The following GRIK5 variants were observed in gnomAD, a reference collection of about 807,000 sequenced individuals.
GRIK5 encodes glutamate receptor ionotropic, kainate 5.
A neutral mutation model predicts 97.4 loss-of-function variants in GRIK5; 43 were observed. That is an observed-to-expected ratio of 0.44 (90% CI 0.35 to 0.57). The LOEUF is 0.57. Among genes scored for constraint, GRIK5 ranks in the 20% least tolerant of loss-of-function variants. The pLI is 0.01. For synonymous variants in GRIK5, 580 were observed against 583.5 expected (o/e 0.99, Z 0.09); for missense variants, 1,015 against 1,382.0 (o/e 0.73, Z 4.21).
chr19:42,042,569 C>G lies in GRIK5; in HGVS notation c.1456G>C (p.Gly486Arg). The change falls in exon 12 of 20, where the codon GGC (glycine) becomes CGC (arginine). Residue 486 changes from glycine to arginine, a missense_variant. By Grantham distance (125) the Gly-to-Arg change is moderately radical. Transcript: ENST00000593562. The surrounding 1 kb of genome is among the most constrained non-coding windows in gnomAD (Gnocchi z 6.9). ...AGCCATACCCGGTTGATGAGCTCGCCAACCATGCCCGTCCAGGAGCCGTTG... is the reference window on the plus strand; with the variant it reads ...AGCCATACCCGGTTGATGAGCTCGCGAACCATGCCCGTCCAGGAGCCGTTG... Reference protein sequence around the residue: ...EPNGSWTGMVGELINRKADLA... With the variant: ...EPNGSWTGMVRELINRKADLA... 1 of 1,610,876 alleles carries G rather than the reference C, an allele frequency of 6.2e-7. No individual in the cohort carries two copies. The highest frequency in any genetic ancestry group is 8.5e-7 in the Non-Finnish European group (1 of 1,179,600).
At chr19:42,024,846 C>T (rs1057031832) in intron 12 of GRIK5, among the ~76,000 whole-genome samples, 1 of 152,212 alleles carries the variant, frequency 6.6e-6, no homozygotes, top group Non-Finnish European at 1.5e-5. Context: ...CACCTTCACT[C>T]CTCTGGGAAG....
Position 42,022,181 on chromosome 19 carries a change from C to A in GRIK5, c.1587+60G>T. The A allele has an allele frequency of 6.8e-7, 1 of 1,462,850 alleles. No homozygotes were observed. The highest frequency in any genetic ancestry group is 9.6e-7 in the Non-Finnish European group (1 of 1,045,620). 90.6% of individuals were successfully genotyped at this position (1,462,850 alleles called of 1,614,324 possible). A position where few individuals can be genotyped will look rare whatever the true frequency, so the allele number is the denominator to read the frequency against. On this transcript the variant is annotated intron_variant, in intron 13 of 19. Transcript: ENST00000593562. The surrounding 1 kb of genome is among the most constrained non-coding windows in gnomAD (Gnocchi z 4.2). Reference sequence around the variant, plus strand: ...AGGTCCTGGGGCTGTCTGGCTCCCACTCGCAGGCCCTGAGCCTCCATGCCA... The same window carrying A: ...AGGTCCTGGGGCTGTCTGGCTCCCAATCGCAGGCCCTGAGCCTCCATGCCA...
chr19:42,022,183 C>G lies in GRIK5; in HGVS notation c.1587+58G>C. On this transcript the variant is annotated intron_variant, in intron 13 of 19. Transcript: ENST00000593562. This position sits in a 1 kb window ranked among gnomAD's most constrained non-coding sequence, Gnocchi z 4.2. Reference sequence around the variant, plus strand: ...GTCCTGGGGCTGTCTGGCTCCCACTCGCAGGCCCTGAGCCTCCATGCCAGG... The same window carrying G: ...GTCCTGGGGCTGTCTGGCTCCCACTGGCAGGCCCTGAGCCTCCATGCCAGG... 2.7e-6 allele frequency: 4 copies of G among 1,469,968 alleles called. No homozygotes were observed. Among genetic ancestry groups the G allele is most frequent in the Non-Finnish European group, 3.8e-6 (4 of 1,051,768 alleles). 91.1% of individuals were successfully genotyped at this position (1,469,968 alleles called of 1,614,324 possible). A position where few individuals can be genotyped will look rare whatever the true frequency, so the allele number is the denominator to read the frequency against.
intron 1 of GRIK5, chr19:42,068,974 C>T: frequency 1.7e-6 from 1 of 579,778 alleles, no homozygotes; most frequent in South Asian, 2.0e-5. Context: ...AAGTGAGAGC[C>T]CAAGTAAGAG....
At chr19:42,039,120 TCTTCC>T (rs2075946345) in intron 12 of GRIK5, among the ~76,000 whole-genome samples, 1 of 152,110 alleles carries the variant, frequency 6.6e-6, no homozygotes, top group African/African-American at 2.4e-5. Context: ...TCCTCACTGG[TCTTCC>T]TGTTACCACT....
At chr19:42,047,702 G>T (rs2076059911) in intron 11 of GRIK5, among the ~76,000 whole-genome samples, 1 of 152,142 alleles carries the variant, frequency 6.6e-6, no homozygotes, top group East Asian at 1.9e-4. Context: ...AAGTGCGGTG[G>T]ATCATGCCTG....
chr19:42,007,097 C>CTT (rs880000872), intron 15 of GRIK5, among the ~76,000 whole-genome samples: 5 of 140,328 alleles, frequency 3.6e-5, no homozygotes, highest in East Asian at 2.1e-4. Context: ...AAACTTTTTT[C>CTT]TTTTTTTTTT....
intron 12 of GRIK5, among the ~76,000 whole-genome samples, chr19:42,023,516 T>C (rs1297574244): frequency 6.6e-6 from 1 of 152,172 alleles, no homozygotes; most frequent in Non-Finnish European, 1.5e-5. Flanking sequence ...GGTGGCCACA[T>C]CCTCATTTCA....
At chr19:42,025,214 G>GAAGAC (rs1451273031) in intron 12 of GRIK5, among the ~76,000 whole-genome samples, 36 of 152,150 alleles carry the variant, frequency 2.4e-4, no homozygotes, top group Non-Finnish European at 4.7e-4. Context: ...TTTCCCCAGA[G>GAAGAC]TAGACTGGTC....
At chr19:42,055,960 A>C (rs1488970804) in intron 8 of GRIK5, among the ~76,000 whole-genome samples, 3 of 141,656 alleles carry the variant, frequency 2.1e-5, no homozygotes, top group Non-Finnish European at 4.6e-5. Flanking sequence ...TGGGATTACA[A>C]GTATAAGCCA....
Position 42,015,215 on chromosome 19 carries a change from A to G in GRIK5, c.1871+6086T>C, listed in dbSNP as rs112794954. 2.1e-4 allele frequency among the ~76,000 whole-genome samples: 32 copies of G among 152,352 alleles called. 1 individual carries two copies. The highest frequency in any genetic ancestry group is 7.5e-4 in the African/African-American group (31 of 41,584). ...AAATTTCCTGCAATTACAGGGTGAG[A>G]TTTCAAAACTCCTCTCAATAATTGA... On this transcript the variant is annotated intron_variant, in intron 15 of 19. Transcript: ENST00000593562.
At chr19:42,040,773 G>A (rs1338424369) in intron 12 of GRIK5, among the ~76,000 whole-genome samples, 1 of 152,146 alleles carries the variant, frequency 6.6e-6, no homozygotes, top group Non-Finnish European at 1.5e-5. Flanking sequence ...AGAATCGCTT[G>A]AACCCGGGAG....
intron 12 of GRIK5, among the ~76,000 whole-genome samples, chr19:42,025,196 C>T (rs559071874): frequency 6.6e-6 from 1 of 152,232 alleles, no homozygotes; most frequent in African/African-American, 2.4e-5. Context: ...CAGCCACTGT[C>T]CCAGGGTTTT....
intron 11 of GRIK5, among the ~76,000 whole-genome samples, chr19:42,048,371 C>T (rs1441264398): frequency 2.6e-5 from 4 of 152,136 alleles, no homozygotes; most frequent in African/African-American, 9.7e-5. Context: ...CCTGTAATCC[C>T]GGCACTTTGG....
intron 3 of GRIK5, chr19:42,063,174 T>C: frequency 2.0e-6 from 1 of 489,364 alleles, no homozygotes; most frequent in Non-Finnish European, 4.0e-6. Context: ...CCTCAGCCAC[T>C]GTTGTTCTCA....
At chr19:42,023,252 G>A (rs989472413) in intron 12 of GRIK5, among the ~76,000 whole-genome samples, 1 of 151,986 alleles carries the variant, frequency 6.6e-6, no homozygotes, top group East Asian at 1.9e-4. Context: ...CGATAAAACC[G>A]AGGAGCAGAG....
chr19:42,064,303 C>T (rs530780280), intron 3 of GRIK5, among the ~76,000 whole-genome samples: 14 of 152,276 alleles, frequency 9.2e-5, no homozygotes, highest in Admixed American at 7.2e-4. Flanking sequence ...CTTGAGCCAG[C>T]GTGACAATCT....
At position 42,070,099 on chromosome 19, in the gene GRIK5, C is replaced by A. The variant is rs1038206042; in HGVS notation, c.-909G>T. On this transcript the variant is annotated 5_prime_UTR_variant, in exon 1 of 20. Transcript: ENST00000593562. ...GGCTCCAGTCCCCGGCTCCAGTCCC[C>A]GGCTGGGCCTGCCTCCCTGCCGCTG... Among the ~76,000 whole-genome samples the A allele has an allele frequency of 6.6e-6, 1 of 152,124 alleles. No homozygotes were observed. The highest frequency in any genetic ancestry group is 6.5e-5 in the Admixed American group (1 of 15,278).
rs370953251 is a variant in GRIK5 at position 42,062,821 on chromosome 19, G to A, written c.279C>T (p.Val93=). The A allele has an allele frequency of 1.4e-5, 23 of 1,614,008 alleles. No homozygotes were observed. In the African/African-American group the frequency reaches 1.5e-4, roughly 10 times the overall value. Residue 93 remains valine, a synonymous_variant, in exon 4 of 20, where the codon GTC becomes GTT. Transcript: ENST00000593562. The surrounding 1 kb of genome is among the most constrained non-coding windows in gnomAD (Gnocchi z 5.3). ...ATGCTGGGCTAGAGGAGGGCCCAAG[G>A]ACAGACACAACCCCTTTGGGTAAGA... The part of the protein sequence containing the change: ...CQILPKGVVS[V]LGPSSSPASA...
Sources: gnomAD v4.1 joint callset for allele counts (sites outside exome capture counted in the v4.1 genomes callset) on GRCh38, gnomAD v4.1.1 for gene constraint, Gnocchi (gnomAD v3.1) non-coding constraint, MANE v1.5 for transcripts, NCBI Gene and HGNC (gene_info 2026-07-23, HGNC 2026-07-21) for gene names.